Variants in CAP1 observed in about 807,000 individuals in gnomAD.
The protein encoded by CAP1 is cyclase associated actin cytoskeleton regulatory protein 1.
In CAP1, 11 loss-of-function variants were observed where a neutral mutation model predicts 58.2. The ratio of observed to expected loss-of-function variants is 0.19; its 90% confidence interval spans 0.12 to 0.31. The LOEUF is 0.31. Ranked by LOEUF, CAP1 falls within the 10% of genes least tolerant of loss-of-function variation. The pLI is 1.00. For missense variants in CAP1, 423 were observed against 587.5 expected, an observed-to-expected ratio of 0.72 and a Z score of 2.89; for synonymous variants, 183 against 213.8, an observed-to-expected ratio of 0.86 and a Z score of 1.26.
At chr1:40,048,184 A>G (rs1646192323) in intron 1 of CAP1, among the ~76,000 whole-genome samples, 1 of 150,762 alleles carries the variant, frequency 6.6e-6, no homozygotes, top group Non-Finnish European at 1.5e-5. Context: ...GCACCCACCC[A>G]CCATCACGCC....
chr1:40,071,506 C>T lies in CAP1; in HGVS notation c.1401C>T (p.Val467=), dbSNP rs751450190. Residue 467 remains valine, a synonymous_variant, in exon 13 of 13, where the codon GTC becomes GTT. Transcript: ENST00000372805. ...CCCTATGGAACGGGCAGAAGTTGGTCACCACAGTGACAGAAATTGCTGGAT... is the reference window on the plus strand; with the variant it reads ...CCCTATGGAACGGGCAGAAGTTGGTTACCACAGTGACAGAAATTGCTGGAT... ...FKTLWNGQKL[V]TTVTEIAG 46 of 1,613,322 alleles carry T rather than the reference C, an allele frequency of 2.9e-5. No individual in the cohort carries two copies. The highest frequency in any genetic ancestry group is 5.0e-5 in the Admixed American group (3 of 59,980).
chr1:40,067,668 C>G lies in CAP1; in HGVS notation c.759C>G (p.Ser253=). 6.3e-7 allele frequency: 1 copy of G among 1,596,870 alleles called. No individual in the cohort carries two copies. Among genetic ancestry groups the G allele is most frequent in the East Asian group, 2.3e-5 (1 of 43,448 alleles). ...STISCSYESA[S]RSSLFAQINQ... ...TTTCATGCTCATATGAGTCTGCTTCCCGCTCATCACTGTTCGCGCAGATTA... is the reference window on the plus strand; with the variant it reads ...TTTCATGCTCATATGAGTCTGCTTCGCGCTCATCACTGTTCGCGCAGATTA... The change falls in exon 8 of 13, where the codon TCC becomes TCG. Residue 253 remains serine (S), a synonymous_variant. Transcript: ENST00000372805.
Position 40,064,389 on chromosome 1 carries a change from A to G in CAP1, c.438+19A>G, listed in dbSNP as rs1475295768. 1 of 1,613,870 alleles carries G rather than the reference A, an allele frequency of 6.2e-7. No homozygotes were observed. The highest frequency in any genetic ancestry group is 8.5e-7 in the Non-Finnish European group (1 of 1,179,922). On this transcript the variant is annotated intron_variant, in intron 5 of 12. Coordinates refer to ENST00000372805, the MANE Select transcript of CAP1 (RefSeq NM_006367.4). ...GGCTATGGTGAGCAGCGCAGATTCC[A>G]GGGCTGGGGGTGGGTATAGATTTTA...
At chr1:40,041,784 G>C (rs1645842587) in intron 1 of CAP1, among the ~76,000 whole-genome samples, 1 of 152,182 alleles carries the variant, frequency 6.6e-6, no homozygotes. Context: ...TATAAATGTT[G>C]ATGAGTGTTA....
At chr1:40,044,940 G>C (rs1646019831) in intron 1 of CAP1, among the ~76,000 whole-genome samples, 1 of 151,438 alleles carries the variant, frequency 6.6e-6, no homozygotes, top group African/African-American at 2.4e-5. Flanking sequence ...GGGACTACAG[G>C]CGCCCGCCAC....
At chr1:40,051,861 G>A (rs1368861918) in intron 1 of CAP1, among the ~76,000 whole-genome samples, 1 of 152,106 alleles carries the variant, frequency 6.6e-6, no homozygotes, top group African/African-American at 2.4e-5. Flanking sequence ...GAGCCACCGC[G>A]CCCAGCCTGT....
At chr1:40,069,622 T>C in intron 8 of CAP1, 68 bp from the exon 9 acceptor site, 3 of 1,394,186 alleles carry the variant, frequency 2.2e-6, no homozygotes, top group Non-Finnish European at 3.0e-6. Context: ...TAAGGATGTT[T>C]AACATGACGA....
At chr1:40,067,756 G>C in intron 8 of CAP1, 39 bp downstream of exon 8, 1 of 1,486,516 alleles carries the variant, frequency 6.7e-7, no homozygotes, top group Non-Finnish European at 9.3e-7. Context: ...GGTACAACAA[G>C]TTGTGTGGGC....
rs905725464 is a variant in CAP1, at chr1:40,048,647, A to T, written c.-11+7846A>T. ...AAATTGTCAAAAACCCATCACCCAA[A>T]TGTGACAAATATTGTAAATTTTGCG... is the stretch of plus-strand genomic sequence containing the variant. On this transcript the variant is annotated intron_variant, in intron 1 of 12. Coordinates refer to ENST00000372805, the MANE Select transcript of CAP1 (RefSeq NM_006367.4). Among the ~76,000 whole-genome samples the T allele has an allele frequency of 2.0e-5, 3 of 152,190 alleles. No homozygotes were observed. In the South Asian group the frequency reaches 6.2e-4, roughly 31 times the overall value.
At chr1:40,044,639 AT>A (rs1420836825) in intron 1 of CAP1, among the ~76,000 whole-genome samples, 1 of 151,996 alleles carries the variant, frequency 6.6e-6, no homozygotes, top group African/African-American at 2.4e-5. Context: ...CCTTATCTTA[AT>A]TTTTATTAGA....
In CAP1 at chr1:40,067,452, A is replaced by G. The variant is rs1044404745; in HGVS notation, c.631-88A>G. 4.3e-6 allele frequency: 5 copies of G among 1,166,412 alleles called. No homozygotes were observed. In the African/African-American group the frequency reaches 7.9e-5, roughly 19 times the overall value. The allele number at this position is 1,166,412 out of a possible 1,614,324, so 72.3% of individuals were successfully genotyped here. A position where few individuals can be genotyped will look rare whatever the true frequency, so the allele number is the denominator to read the frequency against. On this transcript the variant is annotated intron_variant, in intron 7 of 12. Coordinates refer to ENST00000372805, the MANE Select transcript of CAP1 (RefSeq NM_006367.4). ...CCTCAAAGGCTGTGGTGGGGACCCC[A>G]TGTGCACTGGCCCATGTAGGGCACT...
At chr1:40,055,412 T>C (rs563985453) in intron 1 of CAP1, among the ~76,000 whole-genome samples, 1 of 152,356 alleles carries the variant, frequency 6.6e-6, no homozygotes, top group African/African-American at 2.4e-5. Context: ...TTGAGATAGA[T>C]CACTCTGACT....
intron 1 of CAP1, among the ~76,000 whole-genome samples, chr1:40,046,429 C>G (rs533017558): frequency 6.6e-6 from 1 of 151,842 alleles, no homozygotes; most frequent in Non-Finnish European, 1.5e-5. Flanking sequence ...GCATGATCTG[C>G]GCCAGCTTGG....
chr1:40,070,014 G>A, intron 9 of CAP1, 140 bp downstream of exon 9: 1 of 1,404,044 alleles, frequency 7.1e-7, no homozygotes, highest in Non-Finnish European at 9.7e-7. Flanking sequence ...GGGAAAAGGA[G>A]TAGGAACAGG....
chr1:40,056,585 C>T (rs1436607547), intron 1 of CAP1, among the ~76,000 whole-genome samples: 2 of 152,148 alleles, frequency 1.3e-5, no homozygotes, highest in Non-Finnish European at 2.9e-5. Flanking sequence ...TTGTGAGCCA[C>T]AGTACTTGGC....
intron 1 of CAP1, among the ~76,000 whole-genome samples, chr1:40,049,802 C>T (rs1036289353): frequency 6.6e-6 from 1 of 152,186 alleles, no homozygotes; most frequent in Non-Finnish European, 1.5e-5. Context: ...CCATTTCTGC[C>T]TATAATGTCA....
chr1:40,071,715 G>A lies in CAP1; in HGVS notation c.*182G>A, dbSNP rs1648071631. On this transcript the variant is annotated 3_prime_UTR_variant, in exon 13 of 13. Transcript: ENST00000372805. Reference sequence around the variant, plus strand: ...GCTGAAATTTGGGGTGGGATAGCAGGTCAGTTGATCTTCTGCAGGAAGGTG... The same window carrying A: ...GCTGAAATTTGGGGTGGGATAGCAGATCAGTTGATCTTCTGCAGGAAGGTG... 2.3e-5 allele frequency: 13 copies of A among 575,576 alleles called. 1 individual carries two copies. The highest frequency in any genetic ancestry group is 4.7e-4 in the Middle Eastern group (1 of 2,132). The allele number at this position is 575,576 out of a possible 1,614,324, so 35.7% of individuals were successfully genotyped here. A position where few individuals can be genotyped will look rare whatever the true frequency, so the allele number is the denominator to read the frequency against.
upstream of CAP1, chr1:40,040,499 CTT>C (rs767718867): frequency 2.6e-5 from 4 of 152,332 alleles, no homozygotes; most frequent in Non-Finnish European, 5.9e-5. Context: ...CGTGGCCTCT[CTT>C]GTGAGCCCGC....
In CAP1 at chr1:40,047,373, G is replaced by A. The variant is rs1646153308; in HGVS notation, c.-11+6572G>A. On this transcript the variant is annotated intron_variant, in intron 1 of 12. Coordinates refer to ENST00000372805, the MANE Select transcript of CAP1 (RefSeq NM_006367.4). Reference sequence around the variant, plus strand: ...TGCCTTGTATTACCAGACCTTTTGTGCCAAACTTTTCCATTTGGCTGGAAA... The same window carrying A: ...TGCCTTGTATTACCAGACCTTTTGTACCAAACTTTTCCATTTGGCTGGAAA... Among the ~76,000 whole-genome samples the A allele has an allele frequency of 2.0e-5, 3 of 152,308 alleles. No individual in the cohort carries two copies. In the South Asian group the frequency reaches 6.2e-4, roughly 32 times the overall value.
Sources: allele counts gnomAD v4.1 joint callset (sites outside exome capture counted in the v4.1 genomes callset), GRCh38; gene constraint gnomAD v4.1.1; transcripts MANE v1.5; gene names NCBI Gene and HGNC (gene_info 2026-07-23, HGNC 2026-07-21).